The following TAOK3 variants were observed in gnomAD, a reference collection of about 807,000 sequenced individuals.
TAOK3 encodes the protein TAO kinase 3, also known as serine/threonine-protein kinase TAO3.
In TAOK3, 40 loss-of-function variants were observed where a neutral mutation model predicts 120.4. That is an observed-to-expected ratio of 0.33 (90% confidence interval 0.26 to 0.43). TAOK3 has a LOEUF of 0.43. TAOK3 is among the 20% of genes least tolerant of loss of function. The probability of loss-of-function intolerance (pLI) is 1.00; values close to 1 mark genes in which losing one functional copy is unlikely to be tolerated. For synonymous variants in TAOK3, 355 were observed against 387.5 expected (o/e 0.92, Z 0.99); for missense variants, 821 against 1,112.1 (o/e 0.74, Z 3.72).
chr12:118,304,249 C>T (rs2042973587), intron 1 of TAOK3, among the ~76,000 whole-genome samples: 1 of 152,192 alleles, frequency 6.6e-6, no homozygotes, highest in African/African-American at 2.4e-5. Flanking sequence ...GTAAATTCCA[C>T]TGAAGAAAAC....
At chr12:118,249,159 T>C (rs1014062797) in intron 3 of TAOK3, among the ~76,000 whole-genome samples, 6 of 152,186 alleles carry the variant, frequency 3.9e-5, no homozygotes, top group Non-Finnish European at 8.8e-5. Flanking sequence ...ACCAAGATCA[T>C]TGATTCAAGA....
chr12:118,164,403 G>T (rs1181045690), intron 17 of TAOK3, among the ~76,000 whole-genome samples: 1 of 151,950 alleles, frequency 6.6e-6, no homozygotes, highest in Non-Finnish European at 1.5e-5. Context: ...CTTTTGAGCT[G>T]TACTTTATTT....
intron 13 of TAOK3, among the ~76,000 whole-genome samples, chr12:118,191,874 C>A (rs1408717349): frequency 1.3e-5 from 2 of 152,106 alleles, no homozygotes; most frequent in African/African-American, 4.8e-5. Flanking sequence ...TAGGTAGAGG[C>A]CTGTGATTTT....
At chr12:118,221,120 T>C (rs2039208591) in intron 9 of TAOK3, among the ~76,000 whole-genome samples, 1 of 152,276 alleles carries the variant, frequency 6.6e-6, no homozygotes, top group Admixed American at 6.5e-5. Context: ...AGTTGAGTAG[T>C]TATGATAGAC....
chr12:118,190,176 T>C (rs1164572312), intron 13 of TAOK3: 1 of 494,472 alleles, frequency 2.0e-6, no homozygotes, highest in Non-Finnish European at 3.6e-6. Flanking sequence ...GCAGGCTTTT[T>C]CTTTACCTCC....
chr12:118,199,288 A>G, intron 12 of TAOK3, 31 bp from the exon 13 acceptor site: 1 of 1,536,170 alleles, frequency 6.5e-7, no homozygotes, highest in East Asian at 2.3e-5. Flanking sequence ...GGTTAGAAAA[A>G]AAGACTGAAG....
chr12:118,293,870 C>T (rs1460723142), intron 1 of TAOK3, among the ~76,000 whole-genome samples: 2 of 151,286 alleles, frequency 1.3e-5, no homozygotes, highest in South Asian at 4.2e-4. Flanking sequence ...AAAAAATTAG[C>T]TGGGCATGGT....
At chr12:118,256,840 C>A (rs2041008123) in intron 2 of TAOK3, among the ~76,000 whole-genome samples, 1 of 152,100 alleles carries the variant, frequency 6.6e-6, no homozygotes, top group Non-Finnish European at 1.5e-5. Flanking sequence ...GTGGTGATGA[C>A]TGCATAACTG....
intron 9 of TAOK3, among the ~76,000 whole-genome samples, chr12:118,226,804 A>G (rs1228624039): frequency 6.6e-6 from 1 of 152,200 alleles, no homozygotes; most frequent in Non-Finnish European, 1.5e-5. Context: ...ACATATTTCA[A>G]TTCATTTTTA....
intron 19 of TAOK3, chr12:118,159,864 A>G (rs73220119): frequency 0.11 from 50,497 of 446,784 alleles, 3,379 homozygotes; most frequent in Non-Finnish European, 0.14. Flanking sequence ...AAATGAACAC[A>G]TGGTATCATA....
intron 1 of TAOK3, among the ~76,000 whole-genome samples, chr12:118,272,110 A>C (rs1329002023): frequency 6.6e-6 from 1 of 152,152 alleles, no homozygotes; most frequent in Admixed American, 6.6e-5. Context: ...TAATCAAGTA[A>C]ATTATTTCTC....
intron 11 of TAOK3, among the ~76,000 whole-genome samples, chr12:118,205,621 T>C (rs1290182993): frequency 6.6e-6 from 1 of 151,852 alleles, no homozygotes; most frequent in Non-Finnish European, 1.5e-5. Context: ...TCCAACTTCT[T>C]TTTTTTTGAG....
intron 9 of TAOK3, among the ~76,000 whole-genome samples, chr12:118,229,217 C>T (rs2039651139): frequency 6.6e-6 from 1 of 152,026 alleles, no homozygotes; most frequent in Non-Finnish European, 1.5e-5. Flanking sequence ...TCTCTTGCCT[C>T]AGCCTCCCTA....
At chr12:118,192,652 G>T (rs1298893200) in intron 13 of TAOK3, among the ~76,000 whole-genome samples, 1 of 152,226 alleles carries the variant, frequency 6.6e-6, no homozygotes, top group African/African-American at 2.4e-5. Context: ...TGAGAAGTAA[G>T]CTCAAAGAAA....
chr12:118,263,140 A>T (rs1205278272), intron 2 of TAOK3, among the ~76,000 whole-genome samples: 1 of 152,214 alleles, frequency 6.6e-6, no homozygotes, highest in East Asian at 1.9e-4. Flanking sequence ...TGGCACAGAG[A>T]TAGACAAATT....
At chr12:118,308,819 A>G (rs2043147829) in intron 1 of TAOK3, among the ~76,000 whole-genome samples, 1 of 150,282 alleles carries the variant, frequency 6.7e-6, no homozygotes, top group Non-Finnish European at 1.5e-5. Flanking sequence ...AATCCCAGCT[A>G]CTTGGGAGGC....
intron 11 of TAOK3, among the ~76,000 whole-genome samples, chr12:118,210,831 C>A (rs1386906799): frequency 6.6e-6 from 1 of 151,448 alleles, no homozygotes; most frequent in African/African-American, 2.4e-5. Context: ...CTCCGCCTTC[C>A]GGCTTCAAGT....
chr12:118,330,887 G>A (rs2044121114), intron 1 of TAOK3, among the ~76,000 whole-genome samples: 1 of 152,092 alleles, frequency 6.6e-6, no homozygotes, highest in Middle Eastern at 3.2e-3. Context: ...GTCTGAAACT[G>A]CCATAAACTG....
chr12:118,365,994 G>C (rs191951158), intron 1 of TAOK3, among the ~76,000 whole-genome samples: 2 of 152,224 alleles, frequency 1.3e-5, no homozygotes, highest in Non-Finnish European at 2.9e-5. Flanking sequence ...GCTGGGCGCA[G>C]TGGCTCACAC....
Sources: gnomAD v4.1 joint callset for allele counts (sites outside exome capture counted in the v4.1 genomes callset) on GRCh38, gnomAD v4.1.1 for gene constraint, MANE v1.5 for transcripts, NCBI Gene and HGNC (gene_info 2026-07-23, HGNC 2026-07-21) for gene names.